The following HAL variants were observed in gnomAD, a reference collection of about 807,000 sequenced individuals.
HAL encodes histidine ammonia-lyase, also known as histidase.
Under a neutral mutation model 81.1 loss-of-function variants are expected in HAL, and 85 were observed. That is an observed-to-expected ratio of 1.05 (90% CI 0.88 to 1.25). HAL has a LOEUF of 1.25. Among genes scored for constraint, HAL ranks in the 50% most tolerant of loss-of-function variants. The pLI is 0.00. For synonymous variants in HAL, 301 were observed against 309.2 expected, an observed-to-expected ratio of 0.97 and a Z score of 0.28; for missense variants, 798 against 836.6, an observed-to-expected ratio of 0.95 and a Z score of 0.57.
chr12:95,977,241 C>T (rs2080732041), intron 18 of HAL, among the ~76,000 whole-genome samples: 1 of 152,128 alleles, frequency 6.6e-6, no homozygotes, highest in Non-Finnish European at 1.5e-5. Context: ...AATTCCACAA[C>T]TTCATCCTCT....
chr12:95,982,862 C>G (rs1055008679), intron 15 of HAL, among the ~76,000 whole-genome samples: 3 of 152,124 alleles, frequency 2.0e-5, no homozygotes, highest in Non-Finnish European at 4.4e-5. Context: ...TGATTATCTT[C>G]AGAGGCAGTG....
intron 15 of HAL, among the ~76,000 whole-genome samples, chr12:95,982,653 T>G (rs2080808112): frequency 6.6e-6 from 1 of 152,118 alleles, no homozygotes; most frequent in African/African-American, 2.4e-5. Flanking sequence ...TGAGAGAACA[T>G]AAAACACACA....
intron 4 of HAL, among the ~76,000 whole-genome samples, chr12:95,994,381 T>C (rs1950007753): frequency 6.6e-6 from 1 of 152,212 alleles, no homozygotes; most frequent in African/African-American, 2.4e-5. Context: ...CAGAGCTGGA[T>C]AAAGCCCTGT....
chr12:95,979,765 T>C (rs551166648), intron 17 of HAL, among the ~76,000 whole-genome samples: 11 of 152,372 alleles, frequency 7.2e-5, no homozygotes, highest in African/African-American at 2.2e-4. Context: ...TCCTCATTAA[T>C]TGAAGTAAAA....
At position 95,973,071 on chromosome 12, in the gene HAL, G is replaced by A. The variant is rs368835467; in HGVS notation, c.*1161C>T. The A allele has an allele frequency of 1.8e-4, 28 of 152,236 alleles. No individual in the cohort carries two copies. Among genetic ancestry groups the A allele is most frequent in the East Asian group, 1.2e-3 (6 of 5,182 alleles). 9.4% of individuals were successfully genotyped at this position (152,236 alleles called of 1,614,324 possible). A position where few individuals can be genotyped will look rare whatever the true frequency, so the allele number is the denominator to read the frequency against. ...AACTCTATTGTGAAATCCACTGTTC[G>A]GCCCATTTTAGATGGCAATTAGGTA... On this transcript the variant is annotated 3_prime_UTR_variant, in exon 21 of 21. Transcript: ENST00000261208.
intron 8 of HAL, 58 bp from the exon 9 acceptor site, chr12:95,992,863 C>A (rs1949988848): frequency 1.3e-6 from 2 of 1,506,064 alleles, no homozygotes; most frequent in Non-Finnish European, 1.8e-6. Flanking sequence ...TGTCTCCTGA[C>A]AATTGCCCTC....
At chr12:95,992,133 A>G (rs1426157173) in intron 9 of HAL, among the ~76,000 whole-genome samples, 1 of 152,250 alleles carries the variant, frequency 6.6e-6, no homozygotes, top group Middle Eastern at 3.2e-3. Flanking sequence ...AGAAAGCTCC[A>G]GAGTTGAGTT....
Position 95,973,540 on chromosome 12 carries a change from C to G in HAL, c.*692G>C, listed in dbSNP as rs995414369. 3.3e-5 allele frequency: 5 copies of G among 152,440 alleles called. No individual in the cohort carries two copies. Among genetic ancestry groups the G allele is most frequent in the African/African-American group, 9.7e-5 (4 of 41,406 alleles). The allele number at this position is 152,440 out of a possible 1,614,324, so 9.4% of individuals were successfully genotyped here. A position where few individuals can be genotyped will look rare whatever the true frequency, so the allele number is the denominator to read the frequency against. ...TGGGGGATACGTGTAGTGATAAGTA[C>G]AAAATACACAGTTTAATAAGAGCCA... On this transcript the variant is annotated 3_prime_UTR_variant, in exon 21 of 21. Coordinates refer to ENST00000261208, the MANE Select transcript of HAL (RefSeq NM_002108.4).
At position 95,987,212 on chromosome 12, in the gene HAL, G is replaced by C. The variant is rs747343664; in HGVS notation, c.906C>G (p.Gly302=). The C allele has an allele frequency of 6.2e-7, 1 of 1,613,398 alleles. No homozygotes were observed. The highest frequency in any genetic ancestry group is 8.5e-7 in the Non-Finnish European group (1 of 1,179,400). The part of the protein sequence containing the change: ...LKPVILKPKE[G]LALINGTQMI... Reference sequence around the variant, plus strand: ...TCTGCGTCCCATTGATGAGTGCCAGGCCCTGTCGGGGGAGAGAGCAAAGTT... The same window carrying C: ...TCTGCGTCCCATTGATGAGTGCCAGCCCCTGTCGGGGGAGAGAGCAAAGTT... The change falls in exon 12 of 21, where the codon GGC becomes GGG. Residue 302 remains glycine (G), a splice_region_variant and synonymous_variant. Transcript: ENST00000261208.
chr12:95,984,587 G>C, intron 14 of HAL, among the ~76,000 whole-genome samples: 1 of 152,226 alleles, frequency 6.6e-6, no homozygotes, highest in East Asian at 1.9e-4. Context: ...GTTTCTCCCA[G>C]AAGTCAAGGA....
chr12:95,980,763 G>A (rs756463562), intron 16 of HAL, 35 bp downstream of exon 16: 17 of 1,602,620 alleles, frequency 1.1e-5, no homozygotes, highest in Non-Finnish European at 2.6e-6. Flanking sequence ...ATTGAAATGT[G>A]CCTTCTGGGT....
intron 12 of HAL, 46 bp downstream of exon 12, chr12:95,987,021 A>G: frequency 6.5e-7 from 1 of 1,547,650 alleles, no homozygotes; most frequent in South Asian, 1.1e-5. Flanking sequence ...CCGCCCCACC[A>G]CCTCTGGTTG....
rs747309861 is a variant in HAL, at chr12:95,993,768, T to G, written c.551+4A>C. 1 of 1,489,328 alleles carries G rather than the reference T, an allele frequency of 6.7e-7. No homozygotes were observed. The highest frequency in any genetic ancestry group is 9.4e-7 in the Non-Finnish European group (1 of 1,066,160). The allele number at this position is 1,489,328 out of a possible 1,614,324, so 92.3% of individuals were successfully genotyped here. A position where few individuals can be genotyped will look rare whatever the true frequency, so the allele number is the denominator to read the frequency against. The stretch of plus-strand genomic sequence containing the variant: ...ACGTGAACATATGTGTGTTTTAAAC[T>G]TACTGTAGCTTATTGATAGGAATTA... On this transcript the variant is annotated splice_donor_region_variant and intron_variant, in intron 7 of 20. Transcript: ENST00000261208.
Position 95,987,122 on chromosome 12 carries a change from A to G in HAL, c.996T>C (p.Ile332=). Residue 332 remains isoleucine (I), a synonymous_variant, in exon 12 of 21, where the codon ATT becomes ATC. Coordinates refer to ENST00000261208, the MANE Select transcript of HAL (RefSeq NM_002108.4). ...RASAIARQAD[I]VAALTLEVLK... ...GCACCTCAAGGGTCAGGGCTGCCAC[A>G]ATGTCAGCCTGCCGTGCAATAGCAC... is the stretch of plus-strand genomic sequence containing the variant. The G allele has an allele frequency of 6.2e-7, 1 of 1,611,688 alleles. No homozygotes were observed. Among genetic ancestry groups the G allele is most frequent in the Non-Finnish European group, 8.5e-7 (1 of 1,177,772 alleles).
Position 95,994,072 on chromosome 12 carries a change from T to C in HAL, c.411+18A>G. 1.9e-6 allele frequency: 3 copies of C among 1,607,270 alleles called. No homozygotes were observed. The highest frequency in any genetic ancestry group is 2.6e-6 in the Non-Finnish European group (3 of 1,173,832). On this transcript the variant is annotated intron_variant, in intron 5 of 20. Coordinates refer to ENST00000261208, the MANE Select transcript of HAL (RefSeq NM_002108.4). ...AACAAAAATGGCCAGAGGACATCTTTCCCCTCCCTCCCCATACCTTTATTT... is the reference window on the plus strand; with the variant it reads ...AACAAAAATGGCCAGAGGACATCTTCCCCCTCCCTCCCCATACCTTTATTT...
intron 9 of HAL, among the ~76,000 whole-genome samples, chr12:95,992,464 T>TG (rs1203057493): frequency 6.6e-6 from 1 of 152,214 alleles, no homozygotes; most frequent in Non-Finnish European, 1.5e-5. Flanking sequence ...GAAAGGGTCT[T>TG]GCAGAATAAG....
At chr12:95,983,695 C>T in intron 15 of HAL, 1 of 594,864 alleles carries the variant, frequency 1.7e-6, no homozygotes, top group Non-Finnish European at 3.0e-6. Flanking sequence ...GCATGTTAGA[C>T]TTGGAACCTG....
At chr12:95,995,120 G>T (rs1403899600) in intron 2 of HAL, 127 bp from the exon 3 acceptor site, 2 of 769,474 alleles carry the variant, frequency 2.6e-6, no homozygotes, top group Non-Finnish European at 4.6e-6. Flanking sequence ...AACTGCTTCA[G>T]ATGGTTTCAT....
At position 95,978,067 on chromosome 12, in the gene HAL, T is replaced by G. The variant is rs1231584134; in HGVS notation, c.1531A>C (p.Lys511Gln). Reference protein sequence around the residue: ...CTAAALVSENKALCHPSSVDS... With the variant: ...CTAAALVSENQALCHPSSVDS... Reference sequence around the variant, plus strand: ...ACAGACGAGGGATGGCACAGAGCCTTGTTCTCAGAAACTGCAAGAGACCAG... The same window carrying G: ...ACAGACGAGGGATGGCACAGAGCCTGGTTCTCAGAAACTGCAAGAGACCAG... The change falls in exon 18 of 21, where the codon AAG becomes CAG. Residue 511 changes from lysine (K) to glutamine (Q), a missense_variant. Physicochemically the swap from Lys to Gln is moderately conservative, Grantham distance 53 (BLOSUM62 1). Coordinates refer to ENST00000261208, the MANE Select transcript of HAL (RefSeq NM_002108.4). 1 of 1,613,772 alleles carries G rather than the reference T, an allele frequency of 6.2e-7. No individual in the cohort carries two copies. Among genetic ancestry groups the G allele is most frequent in the African/African-American group, 1.3e-5 (1 of 74,922 alleles).
Sources: allele counts gnomAD v4.1 joint callset (sites outside exome capture counted in the v4.1 genomes callset), GRCh38; gene constraint gnomAD v4.1.1; transcripts MANE v1.5; gene names NCBI Gene and HGNC (gene_info 2026-07-23, HGNC 2026-07-21).